MTHFD1L: variants seen among roughly 807,000 people sequenced by gnomAD.
MTHFD1L encodes methylenetetrahydrofolate dehydrogenase (NADP+ dependent) 1 like.
A neutral mutation model predicts 119.5 loss-of-function variants in MTHFD1L; 81 were observed. The ratio of observed to expected loss-of-function variants is 0.68; its 90% CI spans 0.57 to 0.82. The LOEUF (loss-of-function observed/expected upper bound fraction) is 0.82, where lower values mean the gene tolerates loss of function less well. Among genes scored for constraint, MTHFD1L ranks in the 40% least tolerant of loss-of-function variants. MTHFD1L has a pLI of 0.00. For missense variants in MTHFD1L, 1,125 were observed against 1,253.4 expected (o/e 0.90, Z 1.55); for synonymous variants, 430 against 475.2 (o/e 0.90, Z 1.24).
At chr6:150,938,624 T>C in intron 12 of MTHFD1L, 75 bp from the exon 13 acceptor site, 8 of 1,513,812 alleles carry the variant, frequency 5.3e-6, no homozygotes, top group Non-Finnish European at 7.2e-6. Flanking sequence ...TGGGGAGCTG[T>C]GTCCCTTGGC....
intron 20 of MTHFD1L, among the ~76,000 whole-genome samples, chr6:150,996,100 G>A (rs889818997): frequency 3.9e-5 from 6 of 152,130 alleles, no homozygotes; most frequent in Non-Finnish European, 8.8e-5. Flanking sequence ...TATGAACTGC[G>A]GGCCTCTTCA....
intron 19 of MTHFD1L, among the ~76,000 whole-genome samples, chr6:150,965,974 T>TA (rs2129009482): frequency 6.6e-6 from 1 of 152,284 alleles, no homozygotes; most frequent in East Asian, 1.9e-4. Context: ...GCCCGCCTGT[T>TA]AAAGCAGTAC....
At chr6:151,042,558 A>G (rs1008546717) in intron 26 of MTHFD1L, among the ~76,000 whole-genome samples, 6 of 152,226 alleles carry the variant, frequency 3.9e-5, no homozygotes, top group Admixed American at 3.3e-4. Flanking sequence ...TCAAAAAATA[A>G]TCTCATGCCA....
chr6:151,086,670 A>G (rs554588486), intron 26 of MTHFD1L, among the ~76,000 whole-genome samples: 72 of 151,960 alleles, frequency 4.7e-4, no homozygotes, highest in Admixed American at 1.0e-3. Flanking sequence ...TGGGACCACA[A>G]TTGTGCACCA....
chr6:150,887,488 C>T (rs536084705), intron 6 of MTHFD1L, among the ~76,000 whole-genome samples: 196 of 152,320 alleles, frequency 1.3e-3, no homozygotes, highest in African/African-American at 4.5e-3. Context: ...GACATTCTTG[C>T]TCTGTTGCCC....
At chr6:150,946,487 A>C (rs1438805292) in intron 15 of MTHFD1L, among the ~76,000 whole-genome samples, 2 of 152,068 alleles carry the variant, frequency 1.3e-5, no homozygotes, top group Admixed American at 6.6e-5. Flanking sequence ...CTACAATTAT[A>C]CTTGCGTATG....
chr6:151,069,084 T>G (rs565784748), intron 26 of MTHFD1L, among the ~76,000 whole-genome samples: 1 of 152,206 alleles, frequency 6.6e-6, no homozygotes, highest in Admixed American at 6.5e-5. Flanking sequence ...GATGAGGAAT[T>G]CAGACTGGGA....
intron 20 of MTHFD1L, among the ~76,000 whole-genome samples, chr6:151,007,534 T>C (rs1781575553): frequency 6.6e-6 from 1 of 152,202 alleles, no homozygotes; most frequent in South Asian, 2.1e-4. Flanking sequence ...GCCGTCTCAC[T>C]TAACCCTTCC....
chr6:150,983,239 C>T (rs1187778497), intron 20 of MTHFD1L, among the ~76,000 whole-genome samples: 2 of 151,236 alleles, frequency 1.3e-5, no homozygotes, highest in Non-Finnish European at 2.9e-5. Context: ...TTTAAATATG[C>T]TTGTTGTACC....
chr6:150,892,131 A>C (rs1301994163), intron 7 of MTHFD1L, among the ~76,000 whole-genome samples: 1 of 152,228 alleles, frequency 6.6e-6, no homozygotes, highest in Non-Finnish European at 1.5e-5. Flanking sequence ...AATAGTTTGC[A>C]CTTGAGAGCC....
chr6:151,055,976 G>A (rs529591275), intron 26 of MTHFD1L: 21 of 152,228 alleles, frequency 1.4e-4, no homozygotes, highest in African/African-American at 5.1e-4. Context: ...TAAAAGTTTA[G>A]TAAATTTTAG....
chr6:150,898,460 G>A (rs1332071849), intron 7 of MTHFD1L, among the ~76,000 whole-genome samples: 1 of 152,180 alleles, frequency 6.6e-6, no homozygotes, highest in East Asian at 1.9e-4. Flanking sequence ...GCAGAAATCT[G>A]TCTGTGTGCA....
intron 27 of MTHFD1L, among the ~76,000 whole-genome samples, chr6:151,094,349 C>T (rs1220293860): frequency 6.6e-6 from 1 of 152,148 alleles, no homozygotes; most frequent in Non-Finnish European, 1.5e-5. Context: ...ACCAGGAGTC[C>T]ACTTGAGGAC....
At chr6:150,987,653 C>T (rs1778490634) in intron 20 of MTHFD1L, among the ~76,000 whole-genome samples, 1 of 152,180 alleles carries the variant, frequency 6.6e-6, no homozygotes, top group South Asian at 2.1e-4. Context: ...GTCGGCCCCA[C>T]AGCCTTTGCT....
At chr6:150,922,903 C>A (rs1238968725) in intron 10 of MTHFD1L, among the ~76,000 whole-genome samples, 1 of 152,162 alleles carries the variant, frequency 6.6e-6, no homozygotes, top group Non-Finnish European at 1.5e-5. Flanking sequence ...CTTGGCCTCC[C>A]AAAGTGCTGG....
Position 151,014,944 on chromosome 6 carries a change from T to C in MTHFD1L, c.2372T>C (p.Phe791Ser), listed in dbSNP as rs766327267. 1.2e-6 allele frequency: 2 copies of C among 1,614,108 alleles called. No homozygotes were observed. Among genetic ancestry groups the C allele is most frequent in the South Asian group, 2.2e-5 (2 of 91,082 alleles). Reference sequence around the variant, plus strand: ...AAGCAAATTCAGATCACTCAGCTCTTTGGGGTTCCCGTTGTGGTGGCTCTG... The same window carrying C: ...AAGCAAATTCAGATCACTCAGCTCTCTGGGGTTCCCGTTGTGGTGGCTCTG... ...LQKQIQITQL[F>S]GVPVVVALNV... Residue 791 changes from phenylalanine (F) to serine (S), a missense_variant, in exon 23 of 28, where the codon TTT becomes TCT. By Grantham distance (155) the Phe-to-Ser change is radical. This residue lies in a region of MTHFD1L where 1,058 missense variants were observed against 1,151.2 expected (regional missense o/e 0.92). Coordinates refer to ENST00000367321, the MANE Select transcript of MTHFD1L (RefSeq NM_015440.5).
chr6:151,090,758 A>G (rs976670356), intron 26 of MTHFD1L, among the ~76,000 whole-genome samples: 1 of 152,230 alleles, frequency 6.6e-6, no homozygotes, highest in African/African-American at 2.4e-5. Flanking sequence ...GGGCCTGTGG[A>G]GGTTCTACAT....
rs1395128252 is a variant in MTHFD1L, at chr6:151,101,682, C to T, written c.*188C>T. The T allele has an allele frequency of 2.0e-5, 3 of 152,512 alleles. No homozygotes were observed. The highest frequency in any genetic ancestry group is 4.1e-4 in the South Asian group (2 of 4,822). 9.4% of individuals were successfully genotyped at this position (152,512 alleles called of 1,614,324 possible). A position where few individuals can be genotyped will look rare whatever the true frequency, so the allele number is the denominator to read the frequency against. On this transcript the variant is annotated 3_prime_UTR_variant, in exon 28 of 28. Transcript: ENST00000367321. ...TCTGTTCACAGTGGAGTATGGTGTT[C>T]GGCAAAAGGACCTCCACCAAGACTG...
At chr6:150,925,227 A>G (rs1033336486) in intron 10 of MTHFD1L, among the ~76,000 whole-genome samples, 9 of 152,182 alleles carry the variant, frequency 5.9e-5, no homozygotes, top group Non-Finnish European at 1.3e-4. Context: ...GTCCTCTCTG[A>G]TGCAACCTTT....
Sources: gnomAD v4.1 joint callset for allele counts (sites outside exome capture counted in the v4.1 genomes callset) on GRCh38, gnomAD v4.1.1 for gene constraint, gnomAD v4.1.1 regional missense constraint, MANE v1.5 for transcripts, NCBI Gene and HGNC (gene_info 2026-07-23, HGNC 2026-07-21) for gene names.